WDPCP: variants seen among roughly 807,000 people sequenced by gnomAD.
WDPCP encodes the protein WD repeat containing planar cell polarity effector, also known as WD repeat-containing and planar cell polarity effector protein fritz homolog.
A neutral mutation model predicts 93.1 loss-of-function variants in WDPCP; 71 were observed. The observed-to-expected ratio is 0.76, with a 90% CI of 0.63 to 0.93. The LOEUF is 0.93. Ranked by LOEUF, WDPCP falls within the 40% of genes least tolerant of loss-of-function variation. The pLI is 0.00. For missense variants in WDPCP, 844 were observed against 887.4 expected (o/e 0.95, Z 0.62); for synonymous variants, 315 against 315.0 (o/e 1.00, Z 0.00).
chr2:63,455,523 A>G (rs1207725712), intron 6 of WDPCP, among the ~76,000 whole-genome samples: 11 of 151,878 alleles, frequency 7.2e-5, no homozygotes, highest in Admixed American at 7.2e-4. Flanking sequence ...AGGAGTAGTT[A>G]CATTTATATC....
At chr2:63,433,370 T>C (rs575183488) in intron 9 of WDPCP, among the ~76,000 whole-genome samples, 7 of 152,328 alleles carry the variant, frequency 4.6e-5, no homozygotes, top group African/African-American at 1.4e-4. Context: ...ACAAGAGTCA[T>C]AACAGTGAAC....
chr2:63,374,199 A>G (rs1691648726), intron 12 of WDPCP, among the ~76,000 whole-genome samples: 1 of 152,006 alleles, frequency 6.6e-6, no homozygotes, highest in African/African-American at 2.4e-5. Context: ...ATGAGCTCTC[A>G]GTTATGTCTC....
intron 3 of WDPCP, chr2:63,597,246 A>G (rs1709331255): frequency 1.0e-6 from 1 of 967,404 alleles, no homozygotes; most frequent in Non-Finnish European, 1.2e-6. Flanking sequence ...TTAAATTAAT[A>G]TATTATCTTT....
intron 14 of WDPCP, among the ~76,000 whole-genome samples, chr2:63,197,808 C>T (rs902525961): frequency 1.4e-4 from 22 of 152,298 alleles, no homozygotes; most frequent in African/African-American, 5.3e-4. Flanking sequence ...TCCTTTTCTA[C>T]CACATCTTAC....
chr2:63,840,768 C>T, the WDPCP span, among the ~76,000 whole-genome samples: 1 of 152,250 alleles, frequency 6.6e-6, no homozygotes, highest in African/African-American at 2.4e-5. Flanking sequence ...GCGAGGCTTC[C>T]CTGGCCGCAA....
intron 9 of WDPCP, among the ~76,000 whole-genome samples, chr2:63,417,280 G>T (rs1695503556): frequency 6.6e-6 from 1 of 152,148 alleles, no homozygotes; most frequent in African/African-American, 2.4e-5. Context: ...TTTAAACATA[G>T]TAAGGATGTA....
intron 3 of WDPCP, among the ~76,000 whole-genome samples, chr2:63,638,203 T>C (rs1005944172): frequency 4.6e-5 from 7 of 152,138 alleles, no homozygotes; most frequent in African/African-American, 1.7e-4. Context: ...ATAAGATGAA[T>C]ACAATTTGAG....
At chr2:63,516,657 C>T (rs1702572734) in intron 1 of WDPCP, among the ~76,000 whole-genome samples, 1 of 152,028 alleles carries the variant, frequency 6.6e-6, no homozygotes, top group Non-Finnish European at 1.5e-5. Context: ...GGAAATCCAC[C>T]AGCTCCAGGC....
intron 13 of WDPCP, among the ~76,000 whole-genome samples, chr2:63,293,164 T>C (rs946835385): frequency 6.6e-6 from 1 of 152,158 alleles, no homozygotes; most frequent in African/African-American, 2.4e-5. Context: ...GTGCTCTCAT[T>C]ACCCCCTTCA....
At chr2:63,202,155 T>G (rs1675962500) in intron 14 of WDPCP, among the ~76,000 whole-genome samples, 2 of 152,126 alleles carry the variant, frequency 1.3e-5, no homozygotes, top group Middle Eastern at 6.8e-3. Context: ...CCCTAATAAC[T>G]CAATCATTTT....
chr2:63,571,823 G>A (rs1707527149), intron 1 of WDPCP, among the ~76,000 whole-genome samples: 1 of 152,066 alleles, frequency 6.6e-6, no homozygotes, highest in Admixed American at 6.6e-5. Flanking sequence ...GTAGTCTACT[G>A]GGTTATAATT....
In WDPCP at chr2:63,340,061, T is replaced by C. The variant is rs919373028; in HGVS notation, c.1749-26750A>G. ...AAGCTCATGGTTCTCTTTGTTGGTG[T>C]TTCTTACGGGTATACATCTACGTCT... On this transcript the variant is annotated intron_variant, in intron 12 of 17. Coordinates refer to ENST00000272321, the MANE Select transcript of WDPCP (RefSeq NM_015910.7). 6.8e-4 allele frequency among the ~76,000 whole-genome samples: 104 copies of C among 152,348 alleles called. 3 individuals carry two copies. Among genetic ancestry groups the C allele is most frequent in the Admixed American group, 6.2e-3 (95 of 15,302 alleles).
At chr2:63,560,200 G>C (rs1706491377) in intron 1 of WDPCP, among the ~76,000 whole-genome samples, 1 of 152,004 alleles carries the variant, frequency 6.6e-6, no homozygotes, top group African/African-American at 2.4e-5. Context: ...TCCAGCCTGG[G>C]TGACAAGAGC....
At chr2:63,643,522 G>T in intron 3 of WDPCP, 1 of 412,286 alleles carries the variant, frequency 2.4e-6, no homozygotes, top group South Asian at 2.0e-5. Flanking sequence ...TACCAATGTT[G>T]AACTTGATAA....
chr2:63,127,014 T>C (rs531833687), intron 17 of WDPCP, among the ~76,000 whole-genome samples: 1 of 152,204 alleles, frequency 6.6e-6, no homozygotes, highest in African/African-American at 2.4e-5. Context: ...GCTGTGTATA[T>C]AATTTATTTT....
At chr2:63,728,253 G>A (rs1037511057) in intron 2 of WDPCP, among the ~76,000 whole-genome samples, 19 of 152,226 alleles carry the variant, frequency 1.2e-4, no homozygotes, top group African/African-American at 4.3e-4. Flanking sequence ...CCTACTAAGT[G>A]TAAGTGAACA....
intron 12 of WDPCP, among the ~76,000 whole-genome samples, chr2:63,339,581 G>GT (rs1688692160): frequency 6.6e-6 from 1 of 152,170 alleles, no homozygotes; most frequent in Admixed American, 6.5e-5. Flanking sequence ...AGTTCTAACA[G>GT]TTTTTTGGTG....
At chr2:63,353,496 G>A (rs116541157) in intron 12 of WDPCP, among the ~76,000 whole-genome samples, 2,819 of 152,270 alleles carry the variant, frequency 0.019, 88 homozygotes, top group African/African-American at 0.065. Flanking sequence ...GGTGGGAGGG[G>A]CAGGCCACAA....
intron 2 of WDPCP, among the ~76,000 whole-genome samples, chr2:63,702,392 C>G (rs1195896823): frequency 1.3e-5 from 2 of 151,924 alleles, no homozygotes; most frequent in Non-Finnish European, 2.9e-5. Flanking sequence ...ATTATATATA[C>G]CCTGAAAATA....
Sources: gnomAD v4.1 joint callset for allele counts (sites outside exome capture counted in the v4.1 genomes callset) on GRCh38, gnomAD v4.1.1 for gene constraint, MANE v1.5 for transcripts, NCBI Gene and HGNC (gene_info 2026-07-23, HGNC 2026-07-21) for gene names.